Variants in CDH18 observed in about 807,000 individuals in gnomAD.
The protein encoded by CDH18 is cadherin-18.
In CDH18, 31 loss-of-function variants were observed where a neutral mutation model predicts 67.9. The ratio of observed to expected loss-of-function variants is 0.46; its 90% CI spans 0.34 to 0.62. The LOEUF (loss-of-function observed/expected upper bound fraction) is 0.62, where lower values mean the gene tolerates loss of function less well. Among genes scored for constraint, CDH18 ranks in the 20% least tolerant of loss-of-function variants. CDH18 has a pLI of 0.01. For synonymous variants in CDH18, 362 were observed against 347.2 expected (o/e 1.04, Z -0.48); for missense variants, 890 against 975.5 (o/e 0.91, Z 1.17).
chr5:20,556,728 T>C (rs1757927037), intron 1 of CDH18, among the ~76,000 whole-genome samples: 1 of 152,174 alleles, frequency 6.6e-6, no homozygotes, highest in Non-Finnish European at 1.5e-5. Flanking sequence ...ACTATTTTTT[T>C]AGCTTAAAAT....
At chr5:19,498,558 A>C (rs1742720823) in intron 11 of CDH18, among the ~76,000 whole-genome samples, 1 of 152,202 alleles carries the variant, frequency 6.6e-6, no homozygotes, top group Non-Finnish European at 1.5e-5. Context: ...ATCGTACTAC[A>C]TCACTCATGT....
chr5:20,354,049 C>G (rs1228359573), intron 1 of CDH18, among the ~76,000 whole-genome samples: 1 of 152,136 alleles, frequency 6.6e-6, no homozygotes, highest in Non-Finnish European at 1.5e-5. Context: ...GAAAGTGTAA[C>G]TACAATTATT....
Position 19,483,345 on chromosome 5 carries a change from G to T in CDH18, c.1838C>A (p.Thr613Lys), listed in dbSNP as rs199814117. ...EAFLSSAGLS[T>K]GALIAILLCV... The stretch of plus-strand genomic sequence containing the variant: ...GAGAAGAATAGCGATTAAGGCTCCT[G>T]TACTCAAACCAGCCGAGGACAGGAA... The change falls in exon 12 of 13, where the codon ACA (threonine) becomes AAA (lysine). Residue 613 changes from threonine (T) to lysine (K), a missense_variant. This residue lies in a region of CDH18 where 656 missense variants were observed against 668.1 expected (regional missense o/e 0.98). Coordinates refer to ENST00000382275, the MANE Select transcript of CDH18 (RefSeq NM_004934.5). 65 of 1,613,948 alleles carry T rather than the reference G, an allele frequency of 4.0e-5. No individual in the cohort carries two copies. The highest frequency in any genetic ancestry group is 4.8e-5 in the Non-Finnish European group (57 of 1,179,996).
chr5:20,122,104 T>C (rs1035163327), intron 2 of CDH18, among the ~76,000 whole-genome samples: 1 of 152,182 alleles, frequency 6.6e-6, no homozygotes, highest in South Asian at 2.1e-4. Flanking sequence ...AAGGGTAATA[T>C]AATTTCTTGC....
chr5:20,334,748 TCTCATACACA>T (rs1293790527), intron 1 of CDH18, among the ~76,000 whole-genome samples: 84 of 117,594 alleles, frequency 7.1e-4, no homozygotes, highest in African/African-American at 3.3e-3. Flanking sequence ...TCTCTCTCTC[TCTCATACACA>T]CACACACACA....
At position 20,018,650 on chromosome 5, in the gene CDH18, T is replaced by C. The variant is rs558499985; in HGVS notation, c.-517-26636A>G. Among the ~76,000 whole-genome samples, 6 of 152,336 alleles carry C rather than the reference T, an allele frequency of 3.9e-5. No individual in the cohort carries two copies. The East Asian group carries it at 1.2e-3, about 29-fold the overall frequency. On this transcript the variant is annotated intron_variant, in intron 2 of 14. Coordinates refer to the CDH18 transcript ENST00000507958. ...CTTCCCAAATAATTCTTTAAGGTTA[T>C]AGATTCAATTAATATTGAAAGTGAG...
chr5:19,577,794 C>T (rs551297824), intron 7 of CDH18, among the ~76,000 whole-genome samples: 1 of 152,260 alleles, frequency 6.6e-6, no homozygotes, highest in South Asian at 2.1e-4. Context: ...GACGGCAACC[C>T]TGCAACAAAT....
intron 1 of CDH18, among the ~76,000 whole-genome samples, chr5:20,352,007 C>T (rs1464282227): frequency 6.6e-6 from 1 of 152,088 alleles, no homozygotes; most frequent in African/African-American, 2.4e-5. Context: ...AACCAGGTAA[C>T]CTAAACTCAA....
chr5:19,474,015 C>A (rs545668498), intron 12 of CDH18, among the ~76,000 whole-genome samples: 2 of 152,060 alleles, frequency 1.3e-5, no homozygotes, highest in East Asian at 3.9e-4. Flanking sequence ...TTCAGTAAAA[C>A]CATTTAGTGA....
At chr5:20,303,420 T>G (rs1015852693) in intron 1 of CDH18, among the ~76,000 whole-genome samples, 2 of 152,180 alleles carry the variant, frequency 1.3e-5, no homozygotes, top group African/African-American at 4.8e-5. Context: ...CGTTTCTTTT[T>G]AGAATGAAAA....
intron 1 of CDH18, among the ~76,000 whole-genome samples, chr5:20,381,122 C>G (rs974561386): frequency 2.6e-5 from 4 of 152,066 alleles, no homozygotes; most frequent in African/African-American, 7.2e-5. Context: ...CATGTGAGAA[C>G]ACAGTGAGAA....
At chr5:20,221,341 T>TAA (rs1161532687) in intron 2 of CDH18, among the ~76,000 whole-genome samples, 1 of 152,142 alleles carries the variant, frequency 6.6e-6, no homozygotes, top group African/African-American at 2.4e-5. Context: ...GATATTATGT[T>TAA]AAGTGAAATA....
intron 4 of CDH18, among the ~76,000 whole-genome samples, chr5:19,722,168 C>T (rs953628889): frequency 4.6e-5 from 7 of 152,104 alleles, no homozygotes; most frequent in Admixed American, 2.6e-4. Context: ...ATTCTCCTGC[C>T]TCAGCTTCCT....
At chr5:19,550,583 G>T (rs561701562) in intron 8 of CDH18, among the ~76,000 whole-genome samples, 33 of 152,284 alleles carry the variant, frequency 2.2e-4, no homozygotes, top group African/African-American at 7.2e-4. Flanking sequence ...TCCCTACAAA[G>T]GACATGAATT....
chr5:19,888,795 T>C (rs4276413), intron 2 of CDH18, among the ~76,000 whole-genome samples: 2,588 of 152,256 alleles, frequency 0.017, 67 homozygotes, highest in African/African-American at 0.058. Context: ...TAAATAGAAG[T>C]CCTGGTAACA....
intron 1 of CDH18, among the ~76,000 whole-genome samples, chr5:20,415,402 AGT>A (rs1445862710): frequency 6.6e-6 from 1 of 152,090 alleles, no homozygotes; most frequent in East Asian, 1.9e-4. Flanking sequence ...GAAAAAAGAA[AGT>A]GTAGTACATA....
chr5:19,489,454 G>C (rs28490453), intron 11 of CDH18, among the ~76,000 whole-genome samples: 1 of 151,700 alleles, frequency 6.6e-6, no homozygotes, highest in East Asian at 1.9e-4. Context: ...TCACCATGTT[G>C]GCCAGGCTGG....
chr5:20,030,933 G>C (rs970022336), intron 2 of CDH18, among the ~76,000 whole-genome samples: 1 of 152,100 alleles, frequency 6.6e-6, no homozygotes, highest in Non-Finnish European at 1.5e-5. Context: ...GCTGCAGTGG[G>C]AATAATTGAC....
chr5:20,109,310 A>G (rs1747250407), intron 2 of CDH18, among the ~76,000 whole-genome samples: 1 of 152,226 alleles, frequency 6.6e-6, no homozygotes, highest in Non-Finnish European at 1.5e-5. Flanking sequence ...GACGAGAGAC[A>G]CAGTCTCCAA....
Sources: gnomAD v4.1 joint callset for allele counts (sites outside exome capture counted in the v4.1 genomes callset) on GRCh38, gnomAD v4.1.1 for gene constraint, gnomAD v4.1.1 regional missense constraint, MANE v1.5 for transcripts, NCBI Gene and HGNC (gene_info 2026-07-23, HGNC 2026-07-21) for gene names.